The following KRABD5 variants were observed in gnomAD, a reference collection of about 807,000 sequenced individuals.
KRABD5 encodes KRAB domain containing 5, also known as KRAB domain-containing protein 5.
At chr16:31,713,498 C>G in the KRABD5 span, 3 of 1,568,384 alleles carry the variant, frequency 1.9e-6, no homozygotes, top group Admixed American at 3.7e-5. Context: ...CGGCGGGAAC[C>G]CTCTTTGAGG....
chr16:31,713,557 T>G, the KRABD5 span: 2 of 1,380,374 alleles, frequency 1.4e-6, no homozygotes, highest in East Asian at 5.6e-5. Context: ...AACTCGGCCC[T>G]TGGTCCCCTC....
chr16:31,713,582 GGCCGGGCCGGCA>G, the KRABD5 span: 2 of 1,214,952 alleles, frequency 1.6e-6, no homozygotes, highest in African/African-American at 1.6e-5. Context: ...GCAAGATGGC[GGCCGGGCCGGCA>G]GCCGGGACCC....
the KRABD5 span, among the ~76,000 whole-genome samples, chr16:31,717,925 C>T: frequency 6.6e-6 from 1 of 152,002 alleles, no homozygotes; most frequent in Non-Finnish European, 1.5e-5. Context: ...AAGAGTTTGG[C>T]CAGATTTCTA....
the KRABD5 span, among the ~76,000 whole-genome samples, chr16:31,749,822 C>T: frequency 6.6e-6 from 1 of 152,170 alleles, no homozygotes; most frequent in South Asian, 2.1e-4. Context: ...GAAAGATTCA[C>T]ACACTTATTA....
chr16:31,731,591 C>A, the KRABD5 span, among the ~76,000 whole-genome samples: 1 of 152,172 alleles, frequency 6.6e-6, no homozygotes, highest in African/African-American at 2.4e-5. Flanking sequence ...AGGATATGGG[C>A]CCTGGGCCCA....
chr16:31,746,912 A>G, the KRABD5 span, among the ~76,000 whole-genome samples: 2 of 151,114 alleles, frequency 1.3e-5, no homozygotes, highest in Non-Finnish European at 2.9e-5. Flanking sequence ...TCGTTTGGCC[A>G]TTGATACTTG....
chr16:31,747,250 T>G, the KRABD5 span, among the ~76,000 whole-genome samples: 1 of 151,662 alleles, frequency 6.6e-6, no homozygotes. Context: ...GTTTGGTTTT[T>G]TGTCCTTGCG....
the KRABD5 span, chr16:31,758,851 T>C: frequency 6.6e-6 from 1 of 152,310 alleles, no homozygotes; most frequent in African/African-American, 2.4e-5. Flanking sequence ...ATACAATTTT[T>C]TCTTAATTTC....
the KRABD5 span, chr16:31,722,637 A>G: frequency 2.5e-6 from 4 of 1,613,340 alleles, no homozygotes; most frequent in South Asian, 2.2e-5. Context: ...GACTGTTGAC[A>G]TTCAGGGATG....
the KRABD5 span, chr16:31,754,095 G>A: frequency 2.8e-6 from 2 of 723,484 alleles, no homozygotes; most frequent in South Asian, 1.5e-5. Context: ...TTCTTTTAAA[G>A]GAAATTTGGA....
At chr16:31,749,115 C>T in the KRABD5 span, among the ~76,000 whole-genome samples, 1 of 152,364 alleles carries the variant, frequency 6.6e-6, no homozygotes, top group East Asian at 1.9e-4. Flanking sequence ...GCTAGGGGCT[C>T]AGGCCCAGTG....
the KRABD5 span, among the ~76,000 whole-genome samples, chr16:31,729,627 G>A: frequency 6.6e-6 from 1 of 152,242 alleles, no homozygotes; most frequent in East Asian, 1.9e-4. Context: ...ATCAATGTCT[G>A]TTTATTGGAT....
chr16:31,760,944 T>C, the KRABD5 span: 3 of 152,208 alleles, frequency 2.0e-5, no homozygotes, highest in South Asian at 6.2e-4. Flanking sequence ...TTCCCAGTAG[T>C]GAAGAATAAT....
chr16:31,759,605 A>G, the KRABD5 span: 1 of 526,636 alleles, frequency 1.9e-6, no homozygotes. Context: ...AGTATAGATG[A>G]AGCAGAAGTG....
the KRABD5 span, chr16:31,713,295 C>A: frequency 7.3e-6 from 9 of 1,238,192 alleles, no homozygotes; most frequent in African/African-American, 1.2e-4. Context: ...GTCTCTTCAC[C>A]AGGGGCTCCC....
the KRABD5 span, among the ~76,000 whole-genome samples, chr16:31,734,435 A>G: frequency 6.6e-6 from 1 of 152,024 alleles, no homozygotes; most frequent in Non-Finnish European, 1.5e-5. Context: ...AAATTTTTGC[A>G]GAGATAGGGT....
the KRABD5 span, chr16:31,713,463 G>A: frequency 6.3e-7 from 1 of 1,599,156 alleles, no homozygotes; most frequent in Non-Finnish European, 8.5e-7. Flanking sequence ...GGGGTCCCCA[G>A]AAGAGGGAGA....
chr16:31,737,956 C>G, the KRABD5 span, among the ~76,000 whole-genome samples: 1 of 152,084 alleles, frequency 6.6e-6, no homozygotes, highest in Non-Finnish European at 1.5e-5. Context: ...AAATCTTGAA[C>G]AAAAGTGTGT....
chr16:31,746,344 G>T, the KRABD5 span, among the ~76,000 whole-genome samples: 2 of 152,106 alleles, frequency 1.3e-5, no homozygotes, highest in Admixed American at 6.6e-5. Flanking sequence ...TGCTTGTCTG[G>T]AAAAGATTTT....
Sources: gnomAD v4.1 joint callset for allele counts (sites outside exome capture counted in the v4.1 genomes callset) on GRCh38, gnomAD v4.1.1 for gene constraint, MANE v1.5 for transcripts, NCBI Gene and HGNC (gene_info 2026-07-23, HGNC 2026-07-21) for gene names.